GPC5: variants seen among roughly 807,000 people sequenced by gnomAD.
GPC5 encodes glypican-5.
A neutral mutation model predicts 53.9 loss-of-function variants in GPC5; 47 were observed. The observed-to-expected ratio is 0.87, with a 90% confidence interval of 0.69 to 1.11. The LOEUF is 1.11. Among genes scored for constraint, GPC5 ranks in the 50% most tolerant of loss-of-function variants. The pLI is 0.00. For synonymous variants in GPC5, 286 were observed against 263.3 expected (o/e 1.09, Z -0.84); for missense variants, 748 against 713.1 (o/e 1.05, Z -0.56).
At chr13:91,656,703 A>G (rs2139588975) in intron 2 of GPC5, among the ~76,000 whole-genome samples, 1 of 152,312 alleles carries the variant, frequency 6.6e-6, no homozygotes, top group Non-Finnish European at 1.5e-5. Flanking sequence ...CGACCAATCC[A>G]CGACTGGCCT....
At chr13:92,279,897 T>C (rs2042901971) in intron 7 of GPC5, among the ~76,000 whole-genome samples, 1 of 152,128 alleles carries the variant, frequency 6.6e-6, no homozygotes, top group African/African-American at 2.4e-5. Context: ...GATTTTGATA[T>C]CGGTCGAATT....
chr13:91,987,344 C>T (rs552005960), intron 6 of GPC5, among the ~76,000 whole-genome samples: 1 of 152,250 alleles, frequency 6.6e-6, no homozygotes, highest in East Asian at 1.9e-4. Flanking sequence ...GACTGCTACT[C>T]TTAACAGCAA....
chr13:92,216,491 A>G (rs1257111541), intron 7 of GPC5, among the ~76,000 whole-genome samples: 1 of 152,208 alleles, frequency 6.6e-6, no homozygotes, highest in East Asian at 1.9e-4. Flanking sequence ...CTCATTGTCC[A>G]GATGTGGTGA....
At chr13:92,705,324 A>AAGAC (rs1251373267) in intron 7 of GPC5, among the ~76,000 whole-genome samples, 1 of 152,112 alleles carries the variant, frequency 6.6e-6, no homozygotes, top group Non-Finnish European at 1.5e-5. Context: ...CGTTTTTGTC[A>AAGAC]AGACAGGTTA....
chr13:91,813,037 A>T (rs2038338258), intron 5 of GPC5, among the ~76,000 whole-genome samples: 2 of 152,208 alleles, frequency 1.3e-5, no homozygotes, highest in African/African-American at 4.8e-5. Flanking sequence ...CGGAAGTACT[A>T]CATTTCTGTG....
intron 6 of GPC5, among the ~76,000 whole-genome samples, chr13:92,072,265 T>C (rs1304394880): frequency 1.3e-5 from 2 of 150,616 alleles, no homozygotes; most frequent in Non-Finnish European, 3.0e-5. Flanking sequence ...ATTTTAATTT[T>C]ATTATTATTA....
intron 1 of GPC5, among the ~76,000 whole-genome samples, chr13:91,442,896 C>T (rs764285881): frequency 1.3e-5 from 2 of 152,126 alleles, no homozygotes; most frequent in African/African-American, 4.8e-5. Context: ...GGAGGCTTCT[C>T]CCATCTGCTG....
chr13:91,572,263 A>G (rs1392366205), intron 2 of GPC5, among the ~76,000 whole-genome samples: 1 of 150,032 alleles, frequency 6.7e-6, no homozygotes, highest in African/African-American at 2.5e-5. Flanking sequence ...ACACATATGT[A>G]TATACATGTG....
At chr13:91,864,278 T>C (rs1222074148) in intron 5 of GPC5, among the ~76,000 whole-genome samples, 1 of 152,206 alleles carries the variant, frequency 6.6e-6, no homozygotes, top group Non-Finnish European at 1.5e-5. Flanking sequence ...CATAATGACT[T>C]TTACTTTTGC....
chr13:92,582,373 A>T (rs1566304193), intron 7 of GPC5, among the ~76,000 whole-genome samples: 1 of 151,786 alleles, frequency 6.6e-6, no homozygotes, highest in South Asian at 2.1e-4. Context: ...AGATGTTTTT[A>T]TTTGTTTATG....
chr13:92,146,935 A>G (rs879600921), intron 7 of GPC5, among the ~76,000 whole-genome samples: 2 of 152,028 alleles, frequency 1.3e-5, no homozygotes, highest in African/African-American at 2.4e-5. Flanking sequence ...GGCTGATTCC[A>G]TATCTTTTCA....
chr13:92,715,820 C>T lies in GPC5; in HGVS notation c.1562-150462C>T, dbSNP rs542891905. On this transcript the variant is annotated intron_variant, in intron 7 of 7. Transcript: ENST00000377067. ...TTTATCCCACGGTGATGGACAAGGG[C>T]TCATACAACAAACATGTTTTCTGTC... Among the ~76,000 whole-genome samples, 5 of 152,272 alleles carry T rather than the reference C, an allele frequency of 3.3e-5. No individual in the cohort carries two copies. The East Asian group carries it at 9.7e-4, about 29-fold the overall frequency.
At chr13:91,562,015 A>G (rs147013988) in intron 2 of GPC5, among the ~76,000 whole-genome samples, 8 of 152,214 alleles carry the variant, frequency 5.3e-5, no homozygotes, top group African/African-American at 1.9e-4. Flanking sequence ...ATATTTACTG[A>G]GTTAACTGAA....
chr13:92,623,993 T>C (rs1884964361), intron 7 of GPC5, among the ~76,000 whole-genome samples: 1 of 151,750 alleles, frequency 6.6e-6, no homozygotes, highest in Non-Finnish European at 1.5e-5. Context: ...TAGCTGGCAT[T>C]ACAGGTGCCT....
chr13:92,404,383 T>C (rs997039606), intron 7 of GPC5, among the ~76,000 whole-genome samples: 32 of 152,164 alleles, frequency 2.1e-4, no homozygotes, highest in African/African-American at 6.5e-4. Flanking sequence ...AAAAAGTTGT[T>C]GAAAGACAAC....
chr13:92,685,559 A>AATTTTTTTTTTT (rs1887243501), intron 7 of GPC5, among the ~76,000 whole-genome samples: 5 of 104,584 alleles, frequency 4.8e-5, no homozygotes, highest in Admixed American at 1.1e-4. Context: ...TTTTTTTTTT[A>AATTTTTTTTTTT]ATTTTTTTTT....
intron 7 of GPC5, among the ~76,000 whole-genome samples, chr13:92,851,152 C>G (rs563402041): frequency 5.3e-5 from 8 of 152,250 alleles, no homozygotes; most frequent in African/African-American, 1.9e-4. Flanking sequence ...TGAGAACTCA[C>G]TCAGTATCAT....
intron 6 of GPC5, among the ~76,000 whole-genome samples, chr13:92,061,097 T>C (rs982775043): frequency 3.0e-5 from 3 of 100,916 alleles, no homozygotes; most frequent in African/African-American, 1.1e-4. Flanking sequence ...TGGGTGCTGT[T>C]AGATAATACA....
intron 2 of GPC5, among the ~76,000 whole-genome samples, chr13:91,546,986 G>A (rs1033896421): frequency 7.2e-5 from 11 of 152,142 alleles, no homozygotes; most frequent in African/African-American, 2.4e-4. Flanking sequence ...TTAGCAATGA[G>A]AAGGTAGATG....
Sources: gnomAD v4.1 joint callset for allele counts (sites outside exome capture counted in the v4.1 genomes callset) on GRCh38, gnomAD v4.1.1 for gene constraint, MANE v1.5 for transcripts, NCBI Gene and HGNC (gene_info 2026-07-23, HGNC 2026-07-21) for gene names.